Variants in FBXO33 observed in about 807,000 individuals in gnomAD.
FBXO33 encodes the protein F-box protein 33, also known as F-box only protein 33.
In FBXO33, 22 loss-of-function variants were observed where a neutral mutation model predicts 46.3. The observed-to-expected ratio is 0.48, with a 90% confidence interval of 0.34 to 0.68. The LOEUF (loss-of-function observed/expected upper bound fraction) is 0.68, where lower values mean the gene tolerates loss of function less well. Ranked by LOEUF, FBXO33 falls within the 30% of genes least tolerant of loss-of-function variation. The pLI, the probability that FBXO33 is intolerant of heterozygous loss-of-function variation, is 0.01. For synonymous variants in FBXO33, 337 were observed against 291.3 expected (o/e 1.16, Z -1.60); for missense variants, 692 against 708.8 (o/e 0.98, Z 0.27).
At chr14:39,406,127 CATAAATT>C (rs1302408835) in intron 1 of FBXO33, among the ~76,000 whole-genome samples, 1 of 151,476 alleles carries the variant, frequency 6.6e-6, no homozygotes. Context: ...CTACCATATC[CATAAATT>C]ATAAAGACGT....
intron 1 of FBXO33, among the ~76,000 whole-genome samples, chr14:39,423,781 T>C (rs1270845678): frequency 1.3e-5 from 2 of 152,216 alleles, no homozygotes; most frequent in African/African-American, 4.8e-5. Context: ...AGGGAACTTC[T>C]AGGGCTCTAG....
At chr14:39,422,871 C>G (rs772692734) in intron 1 of FBXO33, among the ~76,000 whole-genome samples, 2 of 152,136 alleles carry the variant, frequency 1.3e-5, no homozygotes, top group Non-Finnish European at 1.5e-5. Context: ...TGCCTGTAAT[C>G]CTAGCACTTT....
intron 1 of FBXO33, among the ~76,000 whole-genome samples, chr14:39,424,945 G>C (rs1030645935): frequency 1.3e-5 from 2 of 152,056 alleles, no homozygotes; most frequent in Non-Finnish European, 2.9e-5. Flanking sequence ...CCAGCTACTT[G>C]GGAGGCTGAG....
At chr14:39,424,386 A>G (rs916223476) in intron 1 of FBXO33, among the ~76,000 whole-genome samples, 4 of 152,254 alleles carry the variant, frequency 2.6e-5, no homozygotes, top group Admixed American at 2.0e-4. Flanking sequence ...TCTTTTCCAT[A>G]AGAAAAAGCT....
chr14:39,419,842 T>A (rs1256684584), intron 1 of FBXO33, among the ~76,000 whole-genome samples: 1 of 152,236 alleles, frequency 6.6e-6, no homozygotes. Context: ...TTGATTCCTT[T>A]GGTAATACTG....
intron 1 of FBXO33, among the ~76,000 whole-genome samples, chr14:39,403,538 C>T (rs2075378551): frequency 6.6e-6 from 1 of 152,170 alleles, no homozygotes; most frequent in Admixed American, 6.5e-5. Context: ...GCACTCCAGC[C>T]TGGGAGACAG....
Position 39,398,796 on chromosome 14 carries a change from C to T in FBXO33, c.*720G>A, listed in dbSNP as rs991991647. ...TCTGAAATACAGTTTCTTTCTTCCC[C>T]CACTATTTGAAATCTGGGCTAAATG... On this transcript the variant is annotated 3_prime_UTR_variant, in exon 4 of 4. Transcript: ENST00000298097. 1 of 152,382 alleles carries T rather than the reference C, an allele frequency of 6.6e-6. No homozygotes were observed. The highest frequency in any genetic ancestry group is 2.4e-5 in the African/African-American group (1 of 41,434). The allele number at this position is 152,382 out of a possible 1,614,324, so 9.4% of individuals were successfully genotyped here.
chr14:39,410,122 G>A (rs1037573018), intron 1 of FBXO33, among the ~76,000 whole-genome samples: 1 of 152,152 alleles, frequency 6.6e-6, no homozygotes, highest in Non-Finnish European at 1.5e-5. Flanking sequence ...TAGAGGAAAC[G>A]GTTCCGGTTT....
At chr14:39,426,671 G>C (rs1028269117) in intron 1 of FBXO33, among the ~76,000 whole-genome samples, 1 of 152,068 alleles carries the variant, frequency 6.6e-6, no homozygotes, top group African/African-American at 2.4e-5. Context: ...TGCTCGAACA[G>C]ACCAAAAATT....
chr14:39,399,327 G>T lies in FBXO33; in HGVS notation c.*189C>A. 1 of 494,706 alleles carries T rather than the reference G, an allele frequency of 2.0e-6. No individual in the cohort carries two copies. The highest frequency in any genetic ancestry group is 3.5e-6 in the Non-Finnish European group (1 of 285,558). 30.6% of individuals were successfully genotyped at this position (494,706 alleles called of 1,614,324 possible). A position where few individuals can be genotyped will look rare whatever the true frequency, so the allele number is the denominator to read the frequency against. On this transcript the variant is annotated 3_prime_UTR_variant, in exon 4 of 4. Transcript: ENST00000298097. Reference sequence around the variant, plus strand: ...ATTAACCGTGAAAGCCCTATACATTGTCACTTTGAACTTCTAAACCAATAC... The same window carrying T: ...ATTAACCGTGAAAGCCCTATACATTTTCACTTTGAACTTCTAAACCAATAC...
chr14:39,402,555 C>A, intron 1 of FBXO33, 44 bp from the exon 2 acceptor site: 1 of 945,316 alleles, frequency 1.1e-6, no homozygotes, highest in Admixed American at 3.4e-5. Flanking sequence ...ATAATTTATA[C>A]TTAAAAAATA....
In FBXO33 at chr14:39,401,816, C is replaced by T; in HGVS notation, c.756G>A (p.Leu252=). 6.2e-7 allele frequency: 1 copy of T among 1,614,020 alleles called. No homozygotes were observed. The highest frequency in any genetic ancestry group is 8.5e-7 in the Non-Finnish European group (1 of 1,179,964). The change falls in exon 3 of 4, where the codon CTG becomes CTA. Residue 252 remains leucine (L), a synonymous_variant. Coordinates refer to ENST00000298097, the MANE Select transcript of FBXO33 (RefSeq NM_203301.4). ...GCATAAACCCACAGGACAGCCATTT[C>T]AGTTGCCTACTATTACTCAGGATTT... ...FEEILSNSRQ[L]KWLSCGFMLE...
intron 1 of FBXO33, among the ~76,000 whole-genome samples, chr14:39,412,943 G>C (rs1055025841): frequency 3.9e-5 from 6 of 152,250 alleles, no homozygotes; most frequent in Non-Finnish European, 8.8e-5. Flanking sequence ...TTGGCTGATA[G>C]AATGCCTTGT....
At chr14:39,408,986 A>G (rs2075410845) in intron 1 of FBXO33, among the ~76,000 whole-genome samples, 3 of 152,056 alleles carry the variant, frequency 2.0e-5, no homozygotes. Flanking sequence ...CATGTTGTCC[A>G]GGCTGGTCTC....
At position 39,401,393 on chromosome 14, in the gene FBXO33, T is replaced by C; in HGVS notation, c.1179A>G (p.Pro393=). Residue 393 remains proline (P), a synonymous_variant, in exon 3 of 4, where the codon CCA becomes CCG. Transcript: ENST00000298097. ...AGCTATCAAAATGAATCCTCTCTAG[T>C]GGTATACTGGGTTTCAGAATCTTTA... The part of the protein sequence containing the change: ...DMLKILKPSI[P]LERIHFDSYI... The C allele has an allele frequency of 6.2e-7, 1 of 1,614,164 alleles. No homozygotes were observed. The highest frequency in any genetic ancestry group is 2.2e-5 in the East Asian group (1 of 44,886).
At chr14:39,415,470 A>T (rs938610848) in intron 1 of FBXO33, among the ~76,000 whole-genome samples, 1 of 152,218 alleles carries the variant, frequency 6.6e-6, no homozygotes, top group Non-Finnish European at 1.5e-5. Flanking sequence ...AATCATAACA[A>T]AACAAGGTAT....
At chr14:39,411,104 C>CT (rs1377584856) in intron 1 of FBXO33, among the ~76,000 whole-genome samples, 12 of 150,846 alleles carry the variant, frequency 8.0e-5, no homozygotes, top group South Asian at 4.2e-4. Flanking sequence ...TTTCTTTTTT[C>CT]TTTTTTTTTG....
At position 39,432,020 on chromosome 14, in the gene FBXO33, CGCCCCCGCAGTACCCGGAGCA is replaced by C; in HGVS notation, c.122_142del (p.Leu41_Gly47del). 1 of 1,408,088 alleles carries C rather than the reference CGCCCCCGCAGTACCCGGAGCA, an allele frequency of 7.1e-7. No individual in the cohort carries two copies. Among genetic ancestry groups the C allele is most frequent in the Non-Finnish European group, 9.2e-7 (1 of 1,092,294 alleles). The allele number at this position is 1,408,088 out of a possible 1,614,324, so 87.2% of individuals were successfully genotyped here. A position where few individuals can be genotyped will look rare whatever the true frequency, so the allele number is the denominator to read the frequency against. On this transcript the variant is annotated inframe_deletion, in exon 1 of 4. Transcript: ENST00000298097. The stretch of plus-strand genomic sequence containing the variant: ...CCGCCGCCGGCTGCCGGCTCCCGGC[CGCCCCCGCAGTACCCGGAGCA>C]GCCCCCGCAGCCGTCGCAGCTGCTG...
Position 39,431,968 on chromosome 14 carries a change from C to A in FBXO33, c.195G>T (p.Ala65=). Residue 65 remains alanine (A), a synonymous_variant, in exon 1 of 4, where the codon GCG becomes GCT. Coordinates refer to ENST00000298097, the MANE Select transcript of FBXO33 (RefSeq NM_203301.4). ...RRGRMALCGQ[A]AGAASLPSEL... is the part of the protein sequence containing the mutation. ...CGCTGGGCAGCGACGCAGCGCCCGC[C>A]GCCTGCCCGCACAGAGCCATCCGGC... The A allele has an allele frequency of 6.6e-7, 1 of 1,526,584 alleles. No homozygotes were observed. The highest frequency in any genetic ancestry group is 8.7e-7 in the Non-Finnish European group (1 of 1,143,044). The allele number at this position is 1,526,584 out of a possible 1,614,324, so 94.6% of individuals were successfully genotyped here. A position where few individuals can be genotyped will look rare whatever the true frequency, so the allele number is the denominator to read the frequency against.
Sources: gnomAD v4.1 joint callset for allele counts (sites outside exome capture counted in the v4.1 genomes callset) on GRCh38, gnomAD v4.1.1 for gene constraint, MANE v1.5 for transcripts, NCBI Gene and HGNC (gene_info 2026-07-23, HGNC 2026-07-21) for gene names.